ZFAT: variants seen among roughly 807,000 people sequenced by gnomAD.
The protein encoded by ZFAT is zinc finger and AT-hook domain containing.
ZFAT carries 64 observed loss-of-function variants against 117.7 expected under a neutral mutation model. The ratio of observed to expected loss-of-function variants is 0.54; its 90% confidence interval spans 0.44 to 0.67. The LOEUF (loss-of-function observed/expected upper bound fraction) is 0.67, where lower values mean the gene tolerates loss of function less well. Ranked by LOEUF, ZFAT falls within the 30% of genes least tolerant of loss-of-function variation. The pLI is 0.00. For missense variants in ZFAT, 1,433 were observed against 1,584.5 expected (o/e 0.90, Z 1.62); for synonymous variants, 679 against 615.0 (o/e 1.10, Z -1.54).
the ZFAT span, among the ~76,000 whole-genome samples, chr8:134,748,404 C>T: frequency 1.3e-5 from 2 of 152,066 alleles, no homozygotes; most frequent in African/African-American, 4.8e-5. Context: ...TAATTTTTTT[C>T]CTCAACATTT....
intron 15 of ZFAT, among the ~76,000 whole-genome samples, chr8:134,494,966 C>A (rs1391510290): frequency 1.3e-5 from 2 of 152,186 alleles, no homozygotes; most frequent in African/African-American, 2.4e-5. Flanking sequence ...ATCCACATGA[C>A]CCACGTACTT....
intron 11 of ZFAT, among the ~76,000 whole-genome samples, chr8:134,550,334 A>C (rs945243647): frequency 6.7e-6 from 1 of 148,172 alleles, no homozygotes; most frequent in Non-Finnish European, 1.5e-5. Context: ...AAAAAAAAAC[A>C]GCACAGGGTA....
At chr8:134,552,118 A>G (rs543641108) in intron 11 of ZFAT, among the ~76,000 whole-genome samples, 4 of 152,200 alleles carry the variant, frequency 2.6e-5, no homozygotes, top group Admixed American at 2.6e-4. Context: ...CACTTAACAT[A>G]TTTGCTGTTA....
At chr8:134,779,294 C>A in the ZFAT span, among the ~76,000 whole-genome samples, 1 of 151,686 alleles carries the variant, frequency 6.6e-6, no homozygotes, top group Non-Finnish European at 1.5e-5. Context: ...ACTGTTTTAA[C>A]AATACAGACT....
At chr8:134,564,172 AGAG>A (rs1434462372) in intron 11 of ZFAT, among the ~76,000 whole-genome samples, 5 of 148,360 alleles carry the variant, frequency 3.4e-5, no homozygotes, top group African/African-American at 1.3e-4. Flanking sequence ...TCTCAAAAAA[AGAG>A]GAGTGAGACT....
At chr8:134,729,799 A>G in the ZFAT span, among the ~76,000 whole-genome samples, 5 of 152,066 alleles carry the variant, frequency 3.3e-5, no homozygotes, top group Non-Finnish European at 5.9e-5. Context: ...ATATTCTAAA[A>G]CTTTGTATGT....
At chr8:134,550,325 A>AAAAAAAAC (rs1554643710) in intron 11 of ZFAT, among the ~76,000 whole-genome samples, 1 of 150,536 alleles carries the variant, frequency 6.6e-6, no homozygotes, top group African/African-American at 2.5e-5. Flanking sequence ...AAAAAAAAAA[A>AAAAAAAAC]AAAAAAACAG....
intron 3 of ZFAT, among the ~76,000 whole-genome samples, chr8:134,625,780 T>C (rs1159938033): frequency 1.3e-5 from 2 of 152,082 alleles, no homozygotes; most frequent in East Asian, 3.9e-4. Context: ...TGTCCAGATG[T>C]ACAGGCTGCT....
At chr8:134,540,986 C>T (rs1822208920) in intron 11 of ZFAT, among the ~76,000 whole-genome samples, 1 of 152,140 alleles carries the variant, frequency 6.6e-6, no homozygotes, top group African/African-American at 2.4e-5. Flanking sequence ...CCCACTGGCA[C>T]CAGAGGGGAG....
At chr8:134,555,912 A>G (rs1405775648) in intron 11 of ZFAT, among the ~76,000 whole-genome samples, 1 of 146,964 alleles carries the variant, frequency 6.8e-6, no homozygotes, top group African/African-American at 2.5e-5. Flanking sequence ...CTGAGGCAGG[A>G]GGATCATTTG....
At chr8:134,737,400 G>A in the ZFAT span, among the ~76,000 whole-genome samples, 1 of 152,228 alleles carries the variant, frequency 6.6e-6, no homozygotes, top group African/African-American at 2.4e-5. Flanking sequence ...GGCATGAATA[G>A]TAAGATGCTG....
chr8:134,619,165 C>T (rs1474341054), intron 3 of ZFAT, among the ~76,000 whole-genome samples: 1 of 152,084 alleles, frequency 6.6e-6, no homozygotes, highest in Non-Finnish European at 1.5e-5. Flanking sequence ...CATAGCTTAG[C>T]CTATCCTATC....
At chr8:134,597,182 A>C (rs1306573656) in intron 7 of ZFAT, among the ~76,000 whole-genome samples, 1 of 152,170 alleles carries the variant, frequency 6.6e-6, no homozygotes, top group Non-Finnish European at 1.5e-5. Flanking sequence ...ATTAAGGGAA[A>C]GCAGATCTTT....
chr8:134,719,720 A>G, the ZFAT span, among the ~76,000 whole-genome samples: 3 of 152,196 alleles, frequency 2.0e-5, no homozygotes, highest in African/African-American at 7.2e-5. Context: ...TGCAGCACAG[A>G]ACCATCGCTT....
At chr8:134,784,364 TGACA>T in the ZFAT span, 6 of 152,230 alleles carry the variant, frequency 3.9e-5, no homozygotes, top group African/African-American at 1.4e-4. Flanking sequence ...CATATATTAA[TGACA>T]AAGTTATGTT....
chr8:134,493,292 G>C (rs1047153483), intron 15 of ZFAT, among the ~76,000 whole-genome samples: 3 of 152,116 alleles, frequency 2.0e-5, no homozygotes, highest in Non-Finnish European at 4.4e-5. Flanking sequence ...ACACGGACTT[G>C]TCCACCAGGT....
At chr8:134,549,216 C>T (rs371131023) in intron 11 of ZFAT, among the ~76,000 whole-genome samples, 25 of 152,108 alleles carry the variant, frequency 1.6e-4, no homozygotes, top group African/African-American at 4.8e-4. Context: ...CCGAGGCAGG[C>T]GGATCACGAG....
chr8:134,743,621 G>C, the ZFAT span, among the ~76,000 whole-genome samples: 1 of 152,158 alleles, frequency 6.6e-6, no homozygotes, highest in Non-Finnish European at 1.5e-5. Context: ...TCACTTTAGG[G>C]AACAGCTAAG....
At chr8:134,744,424 T>C in the ZFAT span, among the ~76,000 whole-genome samples, 6 of 151,178 alleles carry the variant, frequency 4.0e-5, no homozygotes, top group South Asian at 4.2e-4. Flanking sequence ...GCCTCCTGAG[T>C]AGATGGAATT....
Sources: allele counts gnomAD v4.1 joint callset (sites outside exome capture counted in the v4.1 genomes callset), GRCh38; gene constraint gnomAD v4.1.1; transcripts MANE v1.5; gene names NCBI Gene and HGNC (gene_info 2026-07-23, HGNC 2026-07-21).